INTS9: variants seen among roughly 807,000 people sequenced by gnomAD.
The protein encoded by INTS9 is protein related to CPSF subunits of 74 kDa.
INTS9 carries 55 observed loss-of-function variants against 79.7 expected under a neutral mutation model. The observed-to-expected ratio is 0.69, with a 90% CI of 0.56 to 0.86. The LOEUF (loss-of-function observed/expected upper bound fraction) is 0.86, where lower values mean the gene tolerates loss of function less well. INTS9 is among the 40% of genes least tolerant of loss of function. The probability of loss-of-function intolerance (pLI) is 0.00; values close to 1 mark genes in which losing one functional copy is unlikely to be tolerated. For synonymous variants in INTS9, 319 were observed against 325.2 expected (o/e 0.98, Z 0.20); for missense variants, 721 against 831.5 (o/e 0.87, Z 1.64).
chr8:28,844,321 G>C (rs191712078), intron 4 of INTS9, among the ~76,000 whole-genome samples: 2 of 151,472 alleles, frequency 1.3e-5, no homozygotes, highest in Non-Finnish European at 2.9e-5. Context: ...GACGCAGATC[G>C]CTTGAGCTCA....
chr8:28,790,554 C>T (rs1001257039), intron 10 of INTS9, among the ~76,000 whole-genome samples: 1 of 152,204 alleles, frequency 6.6e-6, no homozygotes, highest in Non-Finnish European at 1.5e-5. Flanking sequence ...TCTCGAACTC[C>T]TGGCCTCAAG....
intron 12 of INTS9, chr8:28,780,340 A>T: frequency 4.1e-6 from 4 of 982,608 alleles, no homozygotes; most frequent in South Asian, 4.8e-5. Flanking sequence ...AGGGCTGGGC[A>T]CGCTACACTG....
At chr8:28,814,603 A>G (rs1805364925) in intron 6 of INTS9, among the ~76,000 whole-genome samples, 1 of 152,172 alleles carries the variant, frequency 6.6e-6, no homozygotes, top group African/African-American at 2.4e-5. Context: ...TTCCTTCCAT[A>G]TAGCTCAGCA....
At chr8:28,848,808 T>A (rs1039965436) in intron 3 of INTS9, among the ~76,000 whole-genome samples, 7 of 152,196 alleles carry the variant, frequency 4.6e-5, no homozygotes, top group Non-Finnish European at 8.8e-5. Flanking sequence ...AATGTCACTG[T>A]ATTTTATTCA....
intron 6 of INTS9, among the ~76,000 whole-genome samples, chr8:28,816,212 T>A (rs1241150280): frequency 1.3e-5 from 2 of 151,806 alleles, no homozygotes; most frequent in East Asian, 3.9e-4. Context: ...TGCAGGTTAG[T>A]TACATATGTA....
At chr8:28,843,333 T>A (rs1807308658) in intron 4 of INTS9, among the ~76,000 whole-genome samples, 1 of 152,256 alleles carries the variant, frequency 6.6e-6, no homozygotes, top group Non-Finnish European at 1.5e-5. Flanking sequence ...CTTCTCTTCC[T>A]AATAAATGTT....
intron 16 of INTS9, among the ~76,000 whole-genome samples, chr8:28,768,964 G>C (rs926493555): frequency 6.6e-6 from 1 of 152,132 alleles, no homozygotes; most frequent in Admixed American, 6.5e-5. Context: ...TGGAACACTG[G>C]GTCAGGACAT....
intron 1 of INTS9, among the ~76,000 whole-genome samples, chr8:28,872,539 C>T (rs1454557507): frequency 6.6e-6 from 1 of 151,862 alleles, no homozygotes; most frequent in Admixed American, 6.6e-5. Context: ...TAAGAAAATG[C>T]TGGTCAGGAA....
At chr8:28,822,311 T>C (rs1166845717) in intron 6 of INTS9, among the ~76,000 whole-genome samples, 1 of 152,214 alleles carries the variant, frequency 6.6e-6, no homozygotes, top group Non-Finnish European at 1.5e-5. Context: ...AACTTTTTTT[T>C]TTAAACCAGA....
intron 1 of INTS9, among the ~76,000 whole-genome samples, chr8:28,887,798 C>G (rs1048620745): frequency 5.9e-5 from 9 of 152,128 alleles, no homozygotes; most frequent in African/African-American, 1.9e-4. Context: ...GTATGAGTAT[C>G]AATAGAATAC....
At chr8:28,814,294 A>T (rs1322440390) in intron 6 of INTS9, among the ~76,000 whole-genome samples, 50 of 100,794 alleles carry the variant, frequency 5.0e-4, no homozygotes, top group African/African-American at 1.6e-3. Flanking sequence ...TCACACACAC[A>T]CACACACACA....
intron 8 of INTS9, among the ~76,000 whole-genome samples, chr8:28,804,696 C>T (rs1804710309): frequency 6.6e-6 from 1 of 152,168 alleles, no homozygotes; most frequent in African/African-American, 2.4e-5. Context: ...GCAGCATCTA[C>T]TAAACATGGT....
chr8:28,814,271 T>C (rs1188260684), intron 6 of INTS9, among the ~76,000 whole-genome samples: 1 of 137,248 alleles, frequency 7.3e-6, no homozygotes, highest in East Asian at 2.2e-4. Flanking sequence ...GAAACAACAC[T>C]GAACAGGGCT....
In INTS9 at chr8:28,821,094, T is replaced by C. The variant is rs142221464; in HGVS notation, c.489-7482A>G. ...GGCAATTTAGGGCAGAGAATGTACA[T>C]GAGGAATCTTAAACATCCTGCTATC... is the stretch of plus-strand genomic sequence containing the variant. On this transcript the variant is annotated intron_variant, in intron 6 of 16. Coordinates refer to ENST00000521022, the MANE Select transcript of INTS9 (RefSeq NM_018250.4). Among the ~76,000 whole-genome samples the C allele has an allele frequency of 1.8e-3, 267 of 152,236 alleles. 1 individual carries two copies. The highest frequency in any genetic ancestry group is 6.1e-3 in the African/African-American group (254 of 41,548).
At chr8:28,798,090 A>T (rs923163307) in intron 8 of INTS9, 3 of 152,266 alleles carry the variant, frequency 2.0e-5, no homozygotes, top group Non-Finnish European at 4.4e-5. Context: ...ATATGTGAAT[A>T]GCTTCTATTT....
intron 8 of INTS9, chr8:28,810,147 T>C (rs780686685): frequency 1.3e-5 from 2 of 152,384 alleles, no homozygotes; most frequent in African/African-American, 2.4e-5. Context: ...GTAAGAAGCA[T>C]GGTTGGCACC....
chr8:28,820,805 G>A (rs1462745173), intron 6 of INTS9, among the ~76,000 whole-genome samples: 2 of 152,068 alleles, frequency 1.3e-5, no homozygotes, highest in Non-Finnish European at 2.9e-5. Flanking sequence ...GGCCAGTAGT[G>A]AGCATTAAAT....
At chr8:28,797,215 G>A (rs1325847780) in intron 8 of INTS9, among the ~76,000 whole-genome samples, 2 of 152,172 alleles carry the variant, frequency 1.3e-5, no homozygotes, top group African/African-American at 2.4e-5. Context: ...AGAAGCATAC[G>A]TTATAGAATT....
At chr8:28,860,157 G>A (rs1282809064) in intron 1 of INTS9, among the ~76,000 whole-genome samples, 1 of 152,206 alleles carries the variant, frequency 6.6e-6, no homozygotes, top group African/African-American at 2.4e-5. Context: ...CAGACAAGTA[G>A]GAATCTCTTG....
Sources: allele counts gnomAD v4.1 joint callset (sites outside exome capture counted in the v4.1 genomes callset), GRCh38; gene constraint gnomAD v4.1.1; transcripts MANE v1.5; gene names NCBI Gene and HGNC (gene_info 2026-07-23, HGNC 2026-07-21).